Variants in TBCE observed in about 807,000 individuals in gnomAD.
TBCE encodes the protein tubulin-specific chaperone E.
A neutral mutation model predicts 77.0 loss-of-function variants in TBCE; 53 were observed. That is an observed-to-expected ratio of 0.69 (90% CI 0.55 to 0.87). The LOEUF (loss-of-function observed/expected upper bound fraction) is 0.87, where lower values mean the gene tolerates loss of function less well. Among genes scored for constraint, TBCE ranks in the 40% least tolerant of loss-of-function variants. The pLI is 0.00. For synonymous variants in TBCE, 235 were observed against 241.3 expected, an observed-to-expected ratio of 0.97 and a Z score of 0.24; for missense variants, 624 against 622.4, an observed-to-expected ratio of 1.00 and a Z score of -0.03.
chr1:235,422,215 G>A (rs980665049), intron 5 of TBCE, among the ~76,000 whole-genome samples: 1 of 152,208 alleles, frequency 6.6e-6, no homozygotes, highest in African/African-American at 2.4e-5. Context: ...AACTATTTCA[G>A]AAGATTGGTA....
At position 235,401,562 on chromosome 1, in the gene TBCE, G is replaced by A. The variant is rs1181399405; in HGVS notation, c.160G>A (p.Glu54Lys). 1.2e-5 allele frequency: 19 copies of A among 1,613,806 alleles called. 1 individual carries two copies. In the Middle Eastern group the frequency reaches 6.6e-4, roughly 56 times the overall value. The change falls in exon 3 of 17, where the codon GAA becomes AAA. Residue 54 changes from glutamate to lysine, a missense_variant. Physicochemically the swap from Glu to Lys is moderately conservative, Grantham distance 56. Transcript: ENST00000642610. Reference sequence around the variant, plus strand: ...GAGAGGAAAGCATGATGGGAGCCACGAAGGGACTGTGTATTTTAAATGCAG... The same window carrying A: ...GAGAGGAAAGCATGATGGGAGCCACAAAGGGACTGTGTATTTTAAATGCAG... The part of the protein sequence containing the change: ...PERGKHDGSH[E>K]GTVYFKCRHP...
chr1:235,368,552 C>T (rs1293115272), intron 1 of TBCE, among the ~76,000 whole-genome samples: 155 of 49,716 alleles, frequency 3.1e-3, no homozygotes, highest in African/African-American at 4.5e-3. Flanking sequence ...GGACAGCCTG[C>T]TTTTTTTTTT....
rs1479685236 is a variant in TBCE at position 235,430,727 on chromosome 1, T to A, written c.583T>A (p.Ser195Thr). The change falls in exon 7 of 17, where the codon TCC becomes ACC. Residue 195 changes from serine to threonine, a missense_variant. Physicochemically the swap from Ser to Thr is moderately conservative, Grantham distance 58 (BLOSUM62 1). Coordinates refer to ENST00000642610, the MANE Select transcript of TBCE (RefSeq NM_003193.5). Reference sequence around the variant, plus strand: ...CAGTGAAAATAAACTAAAATTTCCCTCCGGTTCAGTATTAACTGGAACGCT... The same window carrying A: ...CAGTGAAAATAAACTAAAATTTCCCACCGGTTCAGTATTAACTGGAACGCT... ...NVSENKLKFP[S>T]GSVLTGTLSV... 6.2e-7 allele frequency: 1 copy of A among 1,613,528 alleles called. No homozygotes were observed. The highest frequency in any genetic ancestry group is 8.5e-7 in the Non-Finnish European group (1 of 1,179,710).
At chr1:235,445,270 A>G (rs1682172000) in intron 15 of TBCE, among the ~76,000 whole-genome samples, 1 of 152,160 alleles carries the variant, frequency 6.6e-6, no homozygotes, top group Non-Finnish European at 1.5e-5. Flanking sequence ...AAAGGTTCTT[A>G]ATACTAATTC....
rs11285286 is a variant in TBCE, at chr1:235,401,826, C to CTT, written c.185+261_185+262dup. Among the ~76,000 whole-genome samples the CTT allele has an allele frequency of 3.2e-3, 280 of 88,556 alleles. 3 individuals are homozygous for CTT. The highest frequency in any genetic ancestry group is 0.011 in the African/African-American group (221 of 20,590). The allele number at this position is 88,556 out of a possible 152,430, so 58.1% of individuals were successfully genotyped here. Reference sequence around the variant, plus strand: ...TATGCATGGCGTTGCTTTCTTCGTCCTTTTTTTTTTTTTTTTTTTTTTTAA... The same window carrying CTT: ...TATGCATGGCGTTGCTTTCTTCGTCCTTTTTTTTTTTTTTTTTTTTTTTTTAA... On this transcript the variant is annotated intron_variant, in intron 3 of 16. Transcript: ENST00000642610.
Position 235,424,920 on chromosome 1 carries a change from C to T in TBCE, c.461-2220C>T, listed in dbSNP as rs182802304. ...CCTCTCAAAGTGCTGGGATTACAGG[C>T]GTGAGCCGCCGCGCCTGGCCTGGAT... is the stretch of plus-strand genomic sequence containing the variant. On this transcript the variant is annotated intron_variant, in intron 5 of 16. Transcript: ENST00000642610. Among the ~76,000 whole-genome samples, 1,511 of 152,228 alleles carry T rather than the reference C, an allele frequency of 9.9e-3. 22 individuals are homozygous for T. Among genetic ancestry groups the T allele is most frequent in the Non-Finnish European group, 0.012 (807 of 68,006 alleles).
intron 6 of TBCE, among the ~76,000 whole-genome samples, chr1:235,427,987 G>A (rs982684729): frequency 5.3e-5 from 8 of 151,916 alleles, no homozygotes; most frequent in Admixed American, 5.3e-4. Context: ...CTGAGATCGT[G>A]CCATTGCACT....
At chr1:235,431,379 G>C (rs79310485) in intron 7 of TBCE, among the ~76,000 whole-genome samples, 1 of 102,472 alleles carries the variant, frequency 9.8e-6, no homozygotes, top group African/African-American at 3.7e-5. Context: ...TTTTTTTTTT[G>C]AGACGGAGTT....
At chr1:235,384,515 A>G (rs1214672142) in intron 2 of TBCE, among the ~76,000 whole-genome samples, 1 of 147,822 alleles carries the variant, frequency 6.8e-6, no homozygotes, top group Non-Finnish European at 1.5e-5. Context: ...GTCTATTCAG[A>G]GATTCAACTT....
At chr1:235,426,363 C>T (rs1680714084) in intron 5 of TBCE, among the ~76,000 whole-genome samples, 1 of 152,182 alleles carries the variant, frequency 6.6e-6, no homozygotes, top group Non-Finnish European at 1.5e-5. Flanking sequence ...ATTCCTAAGT[C>T]ATGCGCTTTT....
chr1:235,411,612 A>G, intron 3 of TBCE, among the ~76,000 whole-genome samples: 1 of 152,322 alleles, frequency 6.6e-6, no homozygotes, highest in East Asian at 1.9e-4. Context: ...GGAATAATAA[A>G]GAATGGCTAC....
At chr1:235,443,185 C>CACAT (rs375134195) in intron 15 of TBCE, among the ~76,000 whole-genome samples, 8 of 139,748 alleles carry the variant, frequency 5.7e-5, no homozygotes, top group African/African-American at 1.5e-4. Context: ...CACACACACA[C>CACAT]ATATATATAT....
At chr1:235,372,756 C>T (rs147284218) in intron 1 of TBCE, among the ~76,000 whole-genome samples, 2 of 151,658 alleles carry the variant, frequency 1.3e-5, no homozygotes, top group African/African-American at 2.4e-5. Context: ...AACCACGTCT[C>T]TACTAAAAAT....
At chr1:235,394,008 G>T (rs1678565418) in intron 2 of TBCE, among the ~76,000 whole-genome samples, 1 of 152,114 alleles carries the variant, frequency 6.6e-6, no homozygotes, top group Non-Finnish European at 1.5e-5. Context: ...TGATTTCAGG[G>T]TGCATATTGT....
At chr1:235,397,010 C>T (rs1678767927) in intron 2 of TBCE, among the ~76,000 whole-genome samples, 1 of 151,676 alleles carries the variant, frequency 6.6e-6, no homozygotes, top group South Asian at 2.1e-4. Flanking sequence ...GAGTCTCGCT[C>T]TGTCTCCAAG....
chr1:235,381,282 T>C (rs1004637977), intron 2 of TBCE, among the ~76,000 whole-genome samples: 1 of 152,150 alleles, frequency 6.6e-6, no homozygotes, highest in Admixed American at 6.6e-5. Context: ...AGAAACAAAC[T>C]TAAAAACAAC....
intron 13 of TBCE, 176 bp from the exon 14 acceptor site, chr1:235,441,638 G>A (rs1321079923): frequency 1.6e-6 from 1 of 615,556 alleles, no homozygotes; most frequent in Non-Finnish European, 2.9e-6. Context: ...TTCTGCCCTT[G>A]GAAGTGGTCG....
intron 6 of TBCE, among the ~76,000 whole-genome samples, chr1:235,427,565 C>T (rs1480901485): frequency 1.3e-5 from 2 of 152,112 alleles, no homozygotes; most frequent in African/African-American, 2.4e-5. Flanking sequence ...TTTCCAGCCA[C>T]GTGTACAGTA....
chr1:235,393,460 C>G (rs1325601323), intron 2 of TBCE, among the ~76,000 whole-genome samples: 1 of 152,134 alleles, frequency 6.6e-6, no homozygotes, highest in African/African-American at 2.4e-5. Context: ...ATCGCTTGAA[C>G]CCAGGAGGTG....
Sources: gnomAD v4.1 joint callset for allele counts (sites outside exome capture counted in the v4.1 genomes callset) on GRCh38, gnomAD v4.1.1 for gene constraint, MANE v1.5 for transcripts, NCBI Gene and HGNC (gene_info 2026-07-23, HGNC 2026-07-21) for gene names.